The following FERMT2 variants were observed in gnomAD, a reference collection of about 807,000 sequenced individuals.
FERMT2 encodes the protein FERM domain containing kindlin 2.
FERMT2 carries 15 observed loss-of-function variants against 82.7 expected under a neutral mutation model. The observed-to-expected ratio is 0.18, with a 90% confidence interval of 0.12 to 0.28. FERMT2 has a LOEUF of 0.28. FERMT2 is among the 10% of genes least tolerant of loss of function. The pLI is 1.00. For missense variants in FERMT2, 645 were observed against 809.4 expected, an observed-to-expected ratio of 0.80 and a Z score of 2.46; for synonymous variants, 274 against 271.5, an observed-to-expected ratio of 1.01 and a Z score of -0.09.
Position 52,919,220 on chromosome 14 carries a change from C to G in FERMT2, c.294G>C (p.Leu98=), listed in dbSNP as rs774396127. 2 of 1,614,116 alleles carry G rather than the reference C, an allele frequency of 1.2e-6. No homozygotes were observed. The highest frequency in any genetic ancestry group is 1.7e-6 in the Non-Finnish European group (2 of 1,179,994). ...AKLQFTPQHK[L]LRLQLPNMKY... is the part of the protein sequence containing the mutation. ...TCATGTTGGGAAGCTGCAGGCGGAG[C>G]AGTTTGTGCTGAGGGGTGAACTGAA... Residue 98 remains leucine (L), a synonymous_variant, in exon 3 of 15, where the codon CTG becomes CTC. Coordinates refer to ENST00000341590, the MANE Select transcript of FERMT2 (RefSeq NM_006832.3).
chr14:52,900,781 A>T (rs1027610444), intron 3 of FERMT2, among the ~76,000 whole-genome samples: 11 of 152,270 alleles, frequency 7.2e-5, no homozygotes, highest in Non-Finnish European at 8.8e-5. Context: ...TTACTGAATT[A>T]AACTCAGGTA....
chr14:52,938,701 A>G (rs1461967704), intron 2 of FERMT2, among the ~76,000 whole-genome samples: 1 of 152,020 alleles, frequency 6.6e-6, no homozygotes, highest in Admixed American at 6.6e-5. Context: ...CAAGTAACTG[A>G]GACCATAGGC....
chr14:52,872,403 GCA>G, intron 10 of FERMT2, among the ~76,000 whole-genome samples: 1 of 152,078 alleles, frequency 6.6e-6, no homozygotes, highest in South Asian at 2.1e-4. Flanking sequence ...GTGTGGTGGT[GCA>G]CACCTGTAAT....
intron 2 of FERMT2, among the ~76,000 whole-genome samples, chr14:52,935,189 T>TA (rs927034787): frequency 3.8e-4 from 57 of 151,708 alleles, no homozygotes; most frequent in Non-Finnish European, 7.7e-4. Context: ...GATGTCATAT[T>TA]AAAAAAAAAG....
intron 2 of FERMT2, among the ~76,000 whole-genome samples, chr14:52,922,455 A>G (rs1889014230): frequency 6.9e-6 from 1 of 145,978 alleles, no homozygotes; most frequent in South Asian, 2.3e-4. Flanking sequence ...AGCACCTGTT[A>G]CAGCCTGAAA....
chr14:52,883,251 A>G (rs1333044683), intron 4 of FERMT2, among the ~76,000 whole-genome samples: 1 of 152,242 alleles, frequency 6.6e-6, no homozygotes, highest in East Asian at 1.9e-4. Context: ...ATCAGCATTT[A>G]AAGAATACTG....
intron 2 of FERMT2, among the ~76,000 whole-genome samples, chr14:52,938,799 CA>C (rs1395834792): frequency 3.3e-5 from 5 of 152,078 alleles, no homozygotes; most frequent in African/African-American, 4.8e-5. Flanking sequence ...ACTCTGGCCT[CA>C]AGTGATCTGC....
In FERMT2 at chr14:52,881,031, G is replaced by A. The variant is rs752250327; in HGVS notation, c.855+5C>T. The A allele has an allele frequency of 1.1e-5, 17 of 1,587,296 alleles. No individual in the cohort carries two copies. Among genetic ancestry groups the A allele is most frequent in the South Asian group, 2.3e-5 (2 of 88,146 alleles). On this transcript the variant is annotated splice_donor_5th_base_variant and intron_variant, in intron 6 of 14. Transcript: ENST00000341590. ...AAAAAAAAGATCCCTTTAAACCCTC[G>A]GTACCTTTGGATTCAAATCAAAAAA...
chr14:52,914,478 CACA>C (rs1012617916), intron 3 of FERMT2, among the ~76,000 whole-genome samples: 9 of 152,230 alleles, frequency 5.9e-5, no homozygotes, highest in African/African-American at 1.9e-4. Context: ...TCAGGAACAA[CACA>C]ACAACAGTCA....
chr14:52,912,474 A>C (rs1345942854), intron 3 of FERMT2, among the ~76,000 whole-genome samples: 1 of 152,018 alleles, frequency 6.6e-6, no homozygotes, highest in East Asian at 1.9e-4. Flanking sequence ...TACCCAGTGA[A>C]GCAGAAATTC....
At chr14:52,906,005 G>T (rs908262603) in intron 3 of FERMT2, among the ~76,000 whole-genome samples, 1 of 152,126 alleles carries the variant, frequency 6.6e-6, no homozygotes, top group African/African-American at 2.4e-5. Context: ...TAAAGGAAAA[G>T]AAAAAGAAAC....
intron 12 of FERMT2, among the ~76,000 whole-genome samples, chr14:52,863,880 A>G (rs1360240908): frequency 6.6e-6 from 1 of 152,192 alleles, no homozygotes; most frequent in Non-Finnish European, 1.5e-5. Flanking sequence ...AAGCATTGAG[A>G]CCATATTCAA....
chr14:52,865,337 T>C (rs574193906), intron 10 of FERMT2, among the ~76,000 whole-genome samples: 2 of 152,266 alleles, frequency 1.3e-5, no homozygotes, highest in East Asian at 3.9e-4. Flanking sequence ...TTTCACTTTG[T>C]AGGAGGCTTT....
At chr14:52,947,570 C>A (rs138106576) in intron 2 of FERMT2, among the ~76,000 whole-genome samples, 2 of 152,266 alleles carry the variant, frequency 1.3e-5, no homozygotes, top group African/African-American at 4.8e-5. Flanking sequence ...GTTTTAATGG[C>A]CTTAAGCAAA....
intron 4 of FERMT2, 140 bp downstream of exon 4, chr14:52,893,153 T>A: frequency 1.5e-6 from 1 of 652,986 alleles, no homozygotes; most frequent in Non-Finnish European, 2.4e-6. Context: ...TGTGCCACCA[T>A]GCCTGGCTAA....
chr14:52,937,360 T>A (rs1038033972), intron 2 of FERMT2, among the ~76,000 whole-genome samples: 3 of 152,148 alleles, frequency 2.0e-5, no homozygotes, highest in Non-Finnish European at 2.9e-5. Context: ...CAGTTACCTA[T>A]GTCTTTCTTC....
At chr14:52,899,628 G>A (rs1294396985) in intron 3 of FERMT2, among the ~76,000 whole-genome samples, 1 of 152,130 alleles carries the variant, frequency 6.6e-6, no homozygotes. Context: ...GAGAATGAAG[G>A]GTAGCAAGAA....
intron 10 of FERMT2, among the ~76,000 whole-genome samples, chr14:52,865,265 G>T (rs1376860480): frequency 6.6e-6 from 1 of 152,176 alleles, no homozygotes; most frequent in African/African-American, 2.4e-5. Context: ...AGGTTGCAGT[G>T]AGCTGAGATC....
intron 2 of FERMT2, chr14:52,948,501 G>C (rs1242208400): frequency 6.9e-6 from 3 of 434,244 alleles, no homozygotes; most frequent in African/African-American, 2.1e-5. Flanking sequence ...AATATAAGAG[G>C]AATCAGTATG....
Sources: allele counts gnomAD v4.1 joint callset (sites outside exome capture counted in the v4.1 genomes callset), GRCh38; gene constraint gnomAD v4.1.1; transcripts MANE v1.5; gene names NCBI Gene and HGNC (gene_info 2026-07-23, HGNC 2026-07-21).